The following PRKN variants were observed in gnomAD, a reference collection of about 807,000 sequenced individuals.
The protein encoded by PRKN is E3 ubiquitin-protein ligase parkin.
Under a neutral mutation model 59.5 loss-of-function variants are expected in PRKN, and 56 were observed. The ratio of observed to expected loss-of-function variants is 0.94; its 90% CI spans 0.76 to 1.18. The LOEUF (loss-of-function observed/expected upper bound fraction) is 1.18. Among genes scored for constraint, PRKN ranks in the 50% most tolerant of loss-of-function variants. The pLI is 0.00. For synonymous variants in PRKN, 250 were observed against 222.1 expected, an observed-to-expected ratio of 1.13 and a Z score of -1.12; for missense variants, 657 against 596.4, an observed-to-expected ratio of 1.10 and a Z score of -1.06.
intron 3 of PRKN, among the ~76,000 whole-genome samples, chr6:162,236,644 A>T (rs996945342): frequency 6.2e-5 from 9 of 145,280 alleles, no homozygotes; most frequent in Admixed American, 5.4e-4. Flanking sequence ...AAAAAAAAAA[A>T]ATTAACTGGG....
intron 3 of PRKN, among the ~76,000 whole-genome samples, chr6:162,256,605 G>A (rs1779649065): frequency 6.6e-6 from 1 of 152,246 alleles, no homozygotes; most frequent in South Asian, 2.1e-4. Context: ...TTCCTGTCAA[G>A]TGCAGATCTC....
intron 1 of PRKN, among the ~76,000 whole-genome samples, chr6:162,640,995 G>C (rs764444440): frequency 1.2e-4 from 19 of 152,094 alleles, no homozygotes; most frequent in Non-Finnish European, 1.9e-4. Context: ...TTGGGATAGA[G>C]GACATAACTA....
In PRKN at chr6:161,502,111, A is replaced by T. The variant is rs982386976; in HGVS notation, c.1083+46743T>A. On this transcript the variant is annotated intron_variant, in intron 9 of 11. Coordinates refer to ENST00000366898, the MANE Select transcript of PRKN (RefSeq NM_004562.3). The surrounding 1 kb of genome is among the most constrained non-coding windows in gnomAD (Gnocchi z 4.0). ...TTGTGTTAAAAACTGCTTTTTGTGG[A>T]TCACATGAAGCAACTCTGAAATGCA... Among the ~76,000 whole-genome samples the T allele has an allele frequency of 1.3e-5, 2 of 152,158 alleles. No homozygotes were observed. The highest frequency in any genetic ancestry group is 2.9e-5 in the Non-Finnish European group (2 of 68,026).
At position 161,475,941 on chromosome 6, in the gene PRKN, T is replaced by C. The variant is rs181294926; in HGVS notation, c.1083+72913A>G. 9.8e-3 allele frequency among the ~76,000 whole-genome samples: 1,497 copies of C among 152,136 alleles called. 20 individuals are homozygous for C. The highest frequency in any genetic ancestry group is 0.024 in the Middle Eastern group (7 of 294). On this transcript the variant is annotated intron_variant, in intron 9 of 11. Coordinates refer to ENST00000366898, the MANE Select transcript of PRKN (RefSeq NM_004562.3). The surrounding 1 kb of genome is among the most constrained non-coding windows in gnomAD (Gnocchi z 5.3). The stretch of plus-strand genomic sequence containing the variant: ...GTGGCTCACGCCTGTAATCCCAGCA[T>C]TTTGGGAGGCCAAGGTGGGCGGATC...
chr6:161,622,076 A>G (rs1440091198), intron 7 of PRKN, among the ~76,000 whole-genome samples: 1 of 151,732 alleles, frequency 6.6e-6, no homozygotes, highest in Non-Finnish European at 1.5e-5. Context: ...CCCGTCTCCA[A>G]CTCCTCGCAC....
chr6:161,860,852 G>C (rs578192742), intron 6 of PRKN, among the ~76,000 whole-genome samples: 13 of 152,304 alleles, frequency 8.5e-5, no homozygotes, highest in African/African-American at 3.1e-4. Flanking sequence ...CTGGTCATTA[G>C]AGAAATGCAA....
At chr6:162,712,192 T>G (rs1483013883) in intron 1 of PRKN, among the ~76,000 whole-genome samples, 1 of 152,202 alleles carries the variant, frequency 6.6e-6, no homozygotes, top group African/African-American at 2.4e-5. Context: ...TTCCTTGGTC[T>G]TCTTATACTC....
intron 1 of PRKN, among the ~76,000 whole-genome samples, chr6:162,681,930 G>A (rs944514337): frequency 3.4e-4 from 51 of 151,996 alleles, no homozygotes; most frequent in African/African-American, 1.2e-3. Context: ...CTTTGTTTGT[G>A]CATTTTGTCC....
chr6:161,759,183 A>C (rs966416541), intron 7 of PRKN, among the ~76,000 whole-genome samples: 1 of 152,072 alleles, frequency 6.6e-6, no homozygotes, highest in Non-Finnish European at 1.5e-5. Context: ...AAAAAAAAAA[A>C]AAACAAAATT....
intron 2 of PRKN, among the ~76,000 whole-genome samples, chr6:162,265,577 G>C (rs568947141): frequency 5.3e-5 from 8 of 152,298 alleles, no homozygotes; most frequent in Admixed American, 5.2e-4. Flanking sequence ...TGTAATCCCA[G>C]CTACTCAAGA....
rs182240816 is a variant in PRKN, at chr6:161,409,186, C to A, written c.1084-22309G>T. Among the ~76,000 whole-genome samples the A allele has an allele frequency of 1.3e-5, 2 of 152,086 alleles. No homozygotes were observed. Among genetic ancestry groups the A allele is most frequent in the African/African-American group, 4.8e-5 (2 of 41,382 alleles). The stretch of plus-strand genomic sequence containing the variant: ...GTCTCGAACTCCTGACCTTGTGATC[C>A]ACCCGCACTGGACTCCCAAACTGCT... On this transcript the variant is annotated intron_variant, in intron 9 of 11. Transcript: ENST00000366898. The surrounding 1 kb of genome is among the most constrained non-coding windows in gnomAD (Gnocchi z 4.6).
rs1172494421 is a variant in PRKN, at chr6:161,616,406, GTTC to G, written c.872-46993_872-46991del. On this transcript the variant is annotated intron_variant, in intron 7 of 11. Transcript: ENST00000366898. ...GATGTGCACACCCATTTTTCCATGT[GTTC>G]TTTTTTTTTTTTTTAATTATACTTT... Among the ~76,000 whole-genome samples the G allele has an allele frequency of 3.5e-5, 5 of 142,358 alleles. 1 individual carries two copies. The highest frequency in any genetic ancestry group is 7.7e-5 in the Non-Finnish European group (5 of 64,774). 93.4% of individuals were successfully genotyped at this position (142,358 alleles called of 152,430 possible).
Position 162,443,141 on chromosome 6 carries a change from C to A in PRKN, c.171+169G>T, listed in dbSNP as rs1421062771. On this transcript the variant is annotated intron_variant, in intron 2 of 11. Transcript: ENST00000366898. ...ATCTTTCCTGCTTGCTGTTTTAATGCATAATTAAGAAGGTCAGAATTAATG... is the reference window on the plus strand; with the variant it reads ...ATCTTTCCTGCTTGCTGTTTTAATGAATAATTAAGAAGGTCAGAATTAATG... Among the ~76,000 whole-genome samples, 5 of 152,100 alleles carry A rather than the reference C, an allele frequency of 3.3e-5. No individual in the cohort carries two copies. The East Asian group carries it at 9.6e-4, about 29-fold the overall frequency.
At chr6:161,481,049 C>T (rs1287391348) in intron 9 of PRKN, among the ~76,000 whole-genome samples, 1 of 152,194 alleles carries the variant, frequency 6.6e-6, no homozygotes, top group South Asian at 2.1e-4. Flanking sequence ...AGGCACTGCC[C>T]CTGACTTCAG....
At chr6:161,948,381 T>C (rs957691899) in intron 6 of PRKN, among the ~76,000 whole-genome samples, 1 of 152,224 alleles carries the variant, frequency 6.6e-6, no homozygotes, top group Non-Finnish European at 1.5e-5. Flanking sequence ...ACTGAATACC[T>C]ACCTGCTTCC....
At chr6:161,741,660 C>T (rs547357001) in intron 7 of PRKN, among the ~76,000 whole-genome samples, 1 of 152,196 alleles carries the variant, frequency 6.6e-6, no homozygotes, top group Non-Finnish European at 1.5e-5. Context: ...AGGGTTCAAA[C>T]TGGTCTGGGG....
At chr6:161,883,032 C>A (rs543366274) in intron 6 of PRKN, among the ~76,000 whole-genome samples, 1,721 of 139,672 alleles carry the variant, frequency 0.012, 15 homozygotes, top group South Asian at 0.027. Flanking sequence ...ACAACAACAA[C>A]AAAAAAAAAC....
At chr6:162,594,135 G>A (rs1554251047) in intron 1 of PRKN, among the ~76,000 whole-genome samples, 3 of 152,012 alleles carry the variant, frequency 2.0e-5, no homozygotes, top group Non-Finnish European at 4.4e-5. Context: ...GGGCAACAGG[G>A]CAAGACTCTC....
At chr6:162,131,745 T>C (rs915088117) in intron 4 of PRKN, among the ~76,000 whole-genome samples, 1 of 152,204 alleles carries the variant, frequency 6.6e-6, no homozygotes, top group Non-Finnish European at 1.5e-5. Flanking sequence ...ATATTTCAGA[T>C]ACAAAAATGT....
Sources: gnomAD v4.1 joint callset for allele counts (sites outside exome capture counted in the v4.1 genomes callset) on GRCh38, gnomAD v4.1.1 for gene constraint, Gnocchi (gnomAD v3.1) non-coding constraint, MANE v1.5 for transcripts, NCBI Gene and HGNC (gene_info 2026-07-23, HGNC 2026-07-21) for gene names.